BOP1: variants seen among roughly 807,000 people sequenced by gnomAD.
The protein encoded by BOP1 is ribosome biogenesis protein BOP1.
Under a neutral mutation model 82.9 loss-of-function variants are expected in BOP1, and 54 were observed. The observed-to-expected ratio is 0.65, with a 90% confidence interval of 0.52 to 0.82. The LOEUF (loss-of-function observed/expected upper bound fraction) is 0.82. Among genes scored for constraint, BOP1 ranks in the 40% least tolerant of loss-of-function variants. BOP1 has a pLI of 0.00. For synonymous variants in BOP1, 566 were observed against 451.1 expected, an observed-to-expected ratio of 1.25 and a Z score of -3.23; for missense variants, 1,170 against 1,072.0, an observed-to-expected ratio of 1.09 and a Z score of -1.28.
chr8:144,271,501 C>CCT (rs1845492143), intron 3 of BOP1, among the ~76,000 whole-genome samples: 1 of 152,080 alleles, frequency 6.6e-6, no homozygotes, highest in African/African-American at 2.4e-5. Context: ...GCGCCGCTCC[C>CCT]CTGCACAAAA....
Position 144,289,244 on chromosome 8 carries a change from C to G in BOP1, c.160G>C (p.Asp54His). The change falls in exon 2 of 16, where the codon GAC becomes CAC. Residue 54 changes from aspartate (D) to histidine (H), a missense_variant. Physicochemically the swap from Asp to His is moderately conservative, Grantham distance 81. Transcript: ENST00000569669. The stretch of plus-strand genomic sequence containing the variant: ...CCTGAGAACACACTTTCCTCGCTGT[C>G]GGAGACGCCAGAATCGCTGCCGGTG... The part of the protein sequence containing the change: ...HSTGSDSGVS[D>H]SEESVFSGLE... The G allele has an allele frequency of 6.2e-7, 1 of 1,614,056 alleles. No individual in the cohort carries two copies. Among genetic ancestry groups the G allele is most frequent in the South Asian group, 1.1e-5 (1 of 91,080 alleles).
chr8:144,288,431 G>C (rs926038399), intron 2 of BOP1, among the ~76,000 whole-genome samples: 11 of 150,564 alleles, frequency 7.3e-5, no homozygotes, highest in Admixed American at 1.3e-4. Context: ...GAGAGGCTGA[G>C]GCAGGAGAAT....
chr8:144,268,193 C>T lies in BOP1; in HGVS notation c.391-3122G>A. 3 of 1,548,396 alleles carry T rather than the reference C, an allele frequency of 1.9e-6. No individual in the cohort carries two copies. The South Asian group carries it at 3.6e-5, about 18-fold the overall frequency. ...CAGACGCTGCTGGGGGAGGTGGACG[C>T]CCGGGGTGACTGCAGACAGCCCCCA... On this transcript the variant is annotated intron_variant, in intron 3 of 15. Coordinates refer to ENST00000569669, the MANE Select transcript of BOP1 (RefSeq NM_015201.5).
chr8:144,276,382 A>C, intron 2 of BOP1, 78 bp from the exon 3 acceptor site: 3 of 1,508,570 alleles, frequency 2.0e-6, no homozygotes, highest in Non-Finnish European at 2.7e-6. Flanking sequence ...CAGGAAGCCC[A>C]CCACCCCGAA....
Position 144,291,179 on chromosome 8 carries a change from G to T in BOP1, c.99+93C>A. 1 of 1,157,964 alleles carries T rather than the reference G, an allele frequency of 8.6e-7. No homozygotes were observed. 71.7% of individuals were successfully genotyped at this position (1,157,964 alleles called of 1,614,324 possible). On this transcript the variant is annotated intron_variant, in intron 1 of 15. Coordinates refer to ENST00000569669, the MANE Select transcript of BOP1 (RefSeq NM_015201.5). The surrounding 1 kb of genome is among the most constrained non-coding windows in gnomAD (Gnocchi z 4.1). ...CGATTCACTGGGCGCGGGCGCCCAG[G>T]TGACAGAAGCCGGGCCCACCCGCCC...
chr8:144,271,436 G>GTC (rs1162154354), intron 3 of BOP1, among the ~76,000 whole-genome samples: 7 of 151,958 alleles, frequency 4.6e-5, no homozygotes, highest in Non-Finnish European at 1.0e-4. Context: ...CCCTCGCTCC[G>GTC]TCTCTCTCTT....
intron 2 of BOP1, among the ~76,000 whole-genome samples, chr8:144,286,469 G>T (rs1338530000): frequency 2.3e-4 from 26 of 111,142 alleles, no homozygotes; most frequent in African/African-American, 7.8e-4. Flanking sequence ...TGGGCGCCAC[G>T]GCAGGGCAGG....
intron 3 of BOP1, among the ~76,000 whole-genome samples, chr8:144,271,307 C>G (rs1355118518): frequency 1.3e-5 from 2 of 152,096 alleles, no homozygotes; most frequent in Non-Finnish European, 2.9e-5. Flanking sequence ...GGGGCTGGCC[C>G]GCTGCCCGCC....
intron 3 of BOP1, chr8:144,267,102 G>A: frequency 2.8e-6 from 4 of 1,424,986 alleles, no homozygotes; most frequent in Non-Finnish European, 1.8e-6. Context: ...CGCCGCCCCC[G>A]CCGCCTCCCG....
intron 2 of BOP1, among the ~76,000 whole-genome samples, chr8:144,286,085 C>T (rs769776384): frequency 1.3e-5 from 2 of 152,134 alleles, no homozygotes; most frequent in Non-Finnish European, 1.5e-5. Context: ...AAGAGGGGCG[C>T]GGAGGGCAGG....
intron 2 of BOP1, among the ~76,000 whole-genome samples, chr8:144,280,212 C>G (rs1845646708): frequency 6.6e-6 from 1 of 152,240 alleles, no homozygotes; most frequent in African/African-American, 2.4e-5. Flanking sequence ...AAAGCAAGGC[C>G]ACAGGCAGAG....
chr8:144,273,017 G>A lies in BOP1; in HGVS notation c.390+3207C>T, dbSNP rs974620827. 2.2e-4 allele frequency among the ~76,000 whole-genome samples: 33 copies of A among 152,208 alleles called. 1 individual carries two copies. Among genetic ancestry groups the A allele is most frequent in the Admixed American group, 5.9e-4 (9 of 15,288 alleles). ...CAGGCATGCAGGCGGCCGCGGGGGT[G>A]GATGGCCGCCAGGGAGATTGGGGCG... On this transcript the variant is annotated intron_variant, in intron 3 of 15. Transcript: ENST00000569669.
chr8:144,273,839 T>G (rs1468687073), intron 3 of BOP1, among the ~76,000 whole-genome samples: 1 of 151,496 alleles, frequency 6.6e-6, no homozygotes, highest in Non-Finnish European at 1.5e-5. Flanking sequence ...GCCCAGCGCC[T>G]CCTCCAGGGG....
chr8:144,280,575 G>A lies in BOP1; in HGVS notation c.310-4271C>T, dbSNP rs181459482. Among the ~76,000 whole-genome samples, 621 of 152,374 alleles carry A rather than the reference G, an allele frequency of 4.1e-3. 1 individual carries two copies. The highest frequency in any genetic ancestry group is 7.3e-3 in the Non-Finnish European group (496 of 68,038). On this transcript the variant is annotated intron_variant, in intron 2 of 15. Coordinates refer to ENST00000569669, the MANE Select transcript of BOP1 (RefSeq NM_015201.5). ...TCTCCTTAAATTATCTGGGAAGGCCGGGCCCAGTGGCTCACACCTGTCATC... is the reference window on the plus strand; with the variant it reads ...TCTCCTTAAATTATCTGGGAAGGCCAGGCCCAGTGGCTCACACCTGTCATC...
rs1845307479 is a variant in BOP1 at position 144,264,380 on chromosome 8, CT to C, written c.822del (p.Asp275ThrfsTer66). On this transcript the variant is annotated frameshift_variant, in exon 7 of 16. Coordinates refer to ENST00000569669, the MANE Select transcript of BOP1 (RefSeq NM_015201.5). LOFTEE classifies it high-confidence loss of function. ...KMGWIQPRRP[R>X]DPTPSFYDLW... ...AGGTCATAGAAGCTGGGGGTGGGGT[CT>C]CGGGGCCGGCGAGGCTGGATCCAGC... is the stretch of plus-strand genomic sequence containing the variant. 3 of 1,603,384 alleles carry C rather than the reference CT, an allele frequency of 1.9e-6. No individual in the cohort carries two copies.
In BOP1 at chr8:144,265,006, G is replaced by T; in HGVS notation, c.456C>A (p.Tyr152Ter). 6.2e-7 allele frequency: 1 copy of T among 1,612,374 alleles called. No homozygotes were observed. Among genetic ancestry groups the T allele is most frequent in the Non-Finnish European group, 8.5e-7 (1 of 1,179,762 alleles). The change falls in exon 4 of 16, where the codon TAC becomes TAA. Residue 152 changes from tyrosine (Y) to a stop codon, truncating the protein, a stop_gained. Coordinates refer to ENST00000569669, the MANE Select transcript of BOP1 (RefSeq NM_015201.5). LOFTEE classifies it high-confidence loss of function. ...EWYDDFPHVG[Y>*]DLDGRRIYKP... is the part of the protein sequence containing the mutation. ...TGTAGATGCGCCTGCCATCCAGGTC[G>T]TAGCCCACGTGGGGGAAGTCATCGT...
At chr8:144,276,756 G>A (rs1845573194) in intron 2 of BOP1, among the ~76,000 whole-genome samples, 1 of 152,228 alleles carries the variant, frequency 6.6e-6, no homozygotes, top group Admixed American at 6.5e-5. Context: ...GGGGGAAGAA[G>A]GAGACGCAGC....
At chr8:144,269,482 C>G (rs1845454915) in intron 3 of BOP1, among the ~76,000 whole-genome samples, 2 of 152,232 alleles carry the variant, frequency 1.3e-5, no homozygotes, top group African/African-American at 4.8e-5. Flanking sequence ...CAAAGACAGG[C>G]TCCAGGGAAT....
chr8:144,268,116 G>A (rs1288599259), intron 3 of BOP1: 18 of 1,551,342 alleles, frequency 1.2e-5, no homozygotes, highest in South Asian at 2.4e-5. Context: ...CAAGGACCGC[G>A]ACAGAAAGAC....
Sources: allele counts gnomAD v4.1 joint callset (sites outside exome capture counted in the v4.1 genomes callset), GRCh38; gene constraint gnomAD v4.1.1; non-coding constraint Gnocchi (gnomAD v3.1); transcripts MANE v1.5; gene names NCBI Gene and HGNC (gene_info 2026-07-23, HGNC 2026-07-21).